The following LYPD6B variants were observed in gnomAD, a reference collection of about 807,000 sequenced individuals.
The protein encoded by LYPD6B is ly6/PLAUR domain-containing protein 6B.
In LYPD6B, 17 loss-of-function variants were observed where a neutral mutation model predicts 22.8. The observed-to-expected ratio is 0.75, with a 90% CI of 0.51 to 1.12. The LOEUF is 1.12. LYPD6B is among the 50% of genes most tolerant of loss of function. LYPD6B has a pLI of 0.00. For missense variants in LYPD6B, 221 were observed against 258.3 expected, an observed-to-expected ratio of 0.86 and a Z score of 0.99; for synonymous variants, 106 against 91.6, an observed-to-expected ratio of 1.16 and a Z score of -0.90.
intron 2 of LYPD6B, among the ~76,000 whole-genome samples, chr2:149,149,942 G>A (rs1302333785): frequency 6.6e-6 from 1 of 152,146 alleles, no homozygotes; most frequent in East Asian, 1.9e-4. Context: ...TAAATAACAT[G>A]CGTATACCAC....
At chr2:149,208,562 AG>A in intron 5 of LYPD6B, 150 bp downstream of exon 5, 1 of 610,032 alleles carries the variant, frequency 1.6e-6, no homozygotes, top group East Asian at 2.7e-5. Flanking sequence ...CTGGTGTCAA[AG>A]ACTCTAACTG....
chr2:149,092,910 A>C (rs926268954), intron 1 of LYPD6B, among the ~76,000 whole-genome samples: 1 of 152,204 alleles, frequency 6.6e-6, no homozygotes, highest in Non-Finnish European at 1.5e-5. Context: ...AGCCATTGCT[A>C]TCTTGGGGAT....
chr2:149,131,123 C>A, intron 2 of LYPD6B, 170 bp downstream of exon 2: 1 of 557,298 alleles, frequency 1.8e-6, no homozygotes, highest in East Asian at 3.0e-5. Flanking sequence ...AATGTGGTTT[C>A]AGTATCTTCC....
At chr2:149,090,922 C>A (rs180888487) in intron 1 of LYPD6B, among the ~76,000 whole-genome samples, 245 of 152,332 alleles carry the variant, frequency 1.6e-3, no homozygotes, top group African/African-American at 5.6e-3. Flanking sequence ...CACATGCACA[C>A]TTTTCCCATG....
intron 2 of LYPD6B, among the ~76,000 whole-genome samples, chr2:149,141,063 G>A (rs1173183936): frequency 1.3e-5 from 2 of 152,108 alleles, no homozygotes; most frequent in African/African-American, 4.8e-5. Context: ...AATGTGAGAG[G>A]CCAACAAAAA....
chr2:149,131,059 T>A, intron 2 of LYPD6B, 106 bp downstream of exon 2: 2 of 773,804 alleles, frequency 2.6e-6, no homozygotes, highest in Non-Finnish European at 4.5e-6. Context: ...TAAACATTTG[T>A]GATCTGGAGT....
chr2:149,051,968 C>T (rs1480605697), intron 1 of LYPD6B, among the ~76,000 whole-genome samples: 2 of 152,020 alleles, frequency 1.3e-5, no homozygotes, highest in Admixed American at 6.6e-5. Context: ...TATATATTTC[C>T]CATGTTGTCC....
chr2:149,134,251 G>A (rs1688218180), intron 2 of LYPD6B, among the ~76,000 whole-genome samples: 1 of 152,126 alleles, frequency 6.6e-6, no homozygotes, highest in South Asian at 2.1e-4. Flanking sequence ...TACTACCTTG[G>A]CTGCTTCTGA....
At chr2:149,170,677 C>T (rs1395173212) in intron 3 of LYPD6B, among the ~76,000 whole-genome samples, 2 of 152,132 alleles carry the variant, frequency 1.3e-5, no homozygotes, top group Non-Finnish European at 2.9e-5. Flanking sequence ...TATGGGAAAA[C>T]CTGGCATGTA....
chr2:149,180,722 A>G (rs1323405387), intron 3 of LYPD6B, among the ~76,000 whole-genome samples: 1 of 152,166 alleles, frequency 6.6e-6, no homozygotes, highest in African/African-American at 2.4e-5. Context: ...CTGATCCTTG[A>G]TCCTGGCTGT....
chr2:149,092,332 TG>T (rs1248050742), intron 1 of LYPD6B, among the ~76,000 whole-genome samples: 1 of 152,118 alleles, frequency 6.6e-6, no homozygotes, highest in Non-Finnish European at 1.5e-5. Flanking sequence ...GAGTAGGCTC[TG>T]TGAATGTGGT....
In LYPD6B at chr2:149,194,583, G is replaced by A. The variant is rs184093117; in HGVS notation, c.78-10670G>A. The stretch of plus-strand genomic sequence containing the variant: ...AACAGTTACCAGAATCTAGGAGATG[G>A]TAGCTGCAGAGTTGGCCACCTGCTA... On this transcript the variant is annotated intron_variant, in intron 3 of 6. Coordinates refer to ENST00000409642, the MANE Select transcript of LYPD6B (RefSeq NM_177964.5). 8.1e-3 allele frequency among the ~76,000 whole-genome samples: 1,227 copies of A among 152,324 alleles called. 57 individuals are homozygous for A. Among genetic ancestry groups the A allele is most frequent in the Admixed American group, 0.076 (1,164 of 15,294 alleles).
At chr2:149,111,410 G>A (rs1196624428) in intron 1 of LYPD6B, among the ~76,000 whole-genome samples, 1 of 152,112 alleles carries the variant, frequency 6.6e-6, no homozygotes, top group East Asian at 1.9e-4. Flanking sequence ...TGAAAAATCA[G>A]TCTGATTTGG....
At chr2:149,169,781 A>T (rs916485070) in intron 3 of LYPD6B, among the ~76,000 whole-genome samples, 2 of 152,124 alleles carry the variant, frequency 1.3e-5, no homozygotes, top group African/African-American at 4.8e-5. Context: ...AGCGACATTG[A>T]TTTATTTGTT....
chr2:149,194,491 C>G (rs1327497323), intron 3 of LYPD6B, among the ~76,000 whole-genome samples: 6 of 152,136 alleles, frequency 3.9e-5, no homozygotes, highest in African/African-American at 1.4e-4. Flanking sequence ...TAGCAGATTC[C>G]AGTGCTAGCA....
intron 3 of LYPD6B, among the ~76,000 whole-genome samples, chr2:149,192,437 T>TA (rs1692556997): frequency 6.6e-6 from 1 of 150,562 alleles, no homozygotes; most frequent in African/African-American, 2.4e-5. Context: ...TTTTTTTTTT[T>TA]AATTCTCATA....
At chr2:149,068,610 G>A (rs1684449993) in intron 1 of LYPD6B, 5 of 466,818 alleles carry the variant, frequency 1.1e-5, no homozygotes, top group Admixed American at 2.4e-5. Context: ...TTCATTAGTG[G>A]TGGCTTCAAG....
chr2:149,078,045 G>A (rs1363354782), intron 1 of LYPD6B, among the ~76,000 whole-genome samples: 1 of 152,154 alleles, frequency 6.6e-6, no homozygotes, highest in African/African-American at 2.4e-5. Context: ...CTTGAGGAAT[G>A]TGACAGTCAA....
At chr2:149,065,365 G>A (rs1345053857) in intron 1 of LYPD6B, among the ~76,000 whole-genome samples, 1 of 152,212 alleles carries the variant, frequency 6.6e-6, no homozygotes, top group Non-Finnish European at 1.5e-5. Context: ...CTGGAATCAT[G>A]ATTATCTTAA....
Sources: allele counts gnomAD v4.1 joint callset (sites outside exome capture counted in the v4.1 genomes callset), GRCh38; gene constraint gnomAD v4.1.1; transcripts MANE v1.5; gene names NCBI Gene and HGNC (gene_info 2026-07-23, HGNC 2026-07-21).